Variants in CALN1 observed in about 807,000 individuals in gnomAD.
CALN1 encodes the protein calcium-binding protein 8.
Under a neutral mutation model 30.6 loss-of-function variants are expected in CALN1, and 17 were observed. The observed-to-expected ratio is 0.56, with a 90% confidence interval of 0.38 to 0.83. The LOEUF (loss-of-function observed/expected upper bound fraction) is 0.83, where lower values mean the gene tolerates loss of function less well. CALN1 is among the 40% of genes least tolerant of loss of function. The pLI is 0.00. For missense variants in CALN1, 291 were observed against 354.9 expected, an observed-to-expected ratio of 0.82 and a Z score of 1.45; for synonymous variants, 156 against 131.4, an observed-to-expected ratio of 1.19 and a Z score of -1.28.
intron 2 of CALN1, among the ~76,000 whole-genome samples, chr7:72,314,404 T>TATACATATATAC (rs1457953061): frequency 2.2e-4 from 30 of 135,394 alleles, no homozygotes; most frequent in African/African-American, 7.3e-4. Flanking sequence ...TACACATATA[T>TATACATATATAC]ACACATATAT....
At chr7:72,258,644 G>A (rs1335361162) in intron 3 of CALN1, among the ~76,000 whole-genome samples, 2 of 152,178 alleles carry the variant, frequency 1.3e-5, no homozygotes, top group Non-Finnish European at 2.9e-5. Flanking sequence ...AAGAAGCCAG[G>A]GGTGGTGGCT....
At chr7:72,294,192 C>T (rs1465265729) in intron 2 of CALN1, among the ~76,000 whole-genome samples, 1 of 152,118 alleles carries the variant, frequency 6.6e-6, no homozygotes, top group Non-Finnish European at 1.5e-5. Flanking sequence ...CACCTCCCGC[C>T]GCCTTGAATG....
chr7:72,387,135 T>A (rs986892095), intron 2 of CALN1, among the ~76,000 whole-genome samples: 18 of 137,126 alleles, frequency 1.3e-4, no homozygotes, highest in Non-Finnish European at 2.4e-4. Flanking sequence ...TAACCCAAAG[T>A]ATAAAATAAG....
chr7:72,461,228 T>C, the CALN1 span, among the ~76,000 whole-genome samples: 9 of 152,172 alleles, frequency 5.9e-5, no homozygotes, highest in African/African-American at 2.2e-4. Flanking sequence ...GCAAATTAGT[T>C]CAGACCCTGT....
At chr7:72,227,187 C>T (rs1244879116) in intron 3 of CALN1, among the ~76,000 whole-genome samples, 7 of 151,094 alleles carry the variant, frequency 4.6e-5, no homozygotes, top group Non-Finnish European at 2.9e-5. Context: ...ATGCAATATA[C>T]CTTTGTAACA....
intron 5 of CALN1, among the ~76,000 whole-genome samples, chr7:72,003,879 G>C (rs1012433864): frequency 2.0e-5 from 3 of 152,184 alleles, no homozygotes; most frequent in Non-Finnish European, 2.9e-5. Context: ...CACGAAACCA[G>C]TCTCTGGTGC....
chr7:72,457,869 C>T, the CALN1 span, among the ~76,000 whole-genome samples: 1 of 151,472 alleles, frequency 6.6e-6, no homozygotes, highest in African/African-American at 2.4e-5. Context: ...GATCCTCCCA[C>T]CTCAGCCTCC....
chr7:71,923,766 C>A (rs994611516), intron 5 of CALN1, among the ~76,000 whole-genome samples: 2 of 149,542 alleles, frequency 1.3e-5, no homozygotes, highest in Non-Finnish European at 3.0e-5. Context: ...GACACAGATG[C>A]ACTTTTTTAG....
chr7:71,951,794 C>T (rs1331534374), intron 5 of CALN1, among the ~76,000 whole-genome samples: 1 of 152,162 alleles, frequency 6.6e-6, no homozygotes, highest in Non-Finnish European at 1.5e-5. Flanking sequence ...GGCTCAGTGG[C>T]TGGTTCTGGT....
the CALN1 span, among the ~76,000 whole-genome samples, chr7:72,462,995 G>A: frequency 6.6e-6 from 1 of 152,212 alleles, no homozygotes; most frequent in Non-Finnish European, 1.5e-5. Context: ...TTCAGCACCT[G>A]GTACATGCAC....
chr7:72,027,762 A>C (rs1562989336), intron 4 of CALN1, among the ~76,000 whole-genome samples: 1 of 145,186 alleles, frequency 6.9e-6, no homozygotes, highest in Non-Finnish European at 1.5e-5. Flanking sequence ...CACACACAAA[A>C]ACACATGAGA....
chr7:72,420,069 G>A (rs764925308), intron 1 of CALN1, among the ~76,000 whole-genome samples: 8 of 152,150 alleles, frequency 5.3e-5, no homozygotes, highest in African/African-American at 1.4e-4. Context: ...TCACGGAGCC[G>A]TTAACACTTA....
intron 3 of CALN1, among the ~76,000 whole-genome samples, chr7:72,129,035 C>G (rs1205029805): frequency 1.3e-5 from 2 of 152,002 alleles, no homozygotes; most frequent in Non-Finnish European, 2.9e-5. Flanking sequence ...GAACAAAGGC[C>G]AACAAGCCAA....
chr7:72,499,374 G>C, the CALN1 span, among the ~76,000 whole-genome samples: 1 of 151,922 alleles, frequency 6.6e-6, no homozygotes, highest in Non-Finnish European at 1.5e-5. Flanking sequence ...AATATTATTT[G>C]GAAAAGGAAC....
At chr7:72,062,568 A>G (rs1305316879) in intron 4 of CALN1, among the ~76,000 whole-genome samples, 1 of 151,858 alleles carries the variant, frequency 6.6e-6, no homozygotes, top group African/African-American at 2.4e-5. Flanking sequence ...CCAGAAGGGA[A>G]CTTAGAACAT....
rs9638648 is a variant in CALN1 at position 72,298,884 on chromosome 7, C to T, written c.120-20074G>A. On this transcript the variant is annotated intron_variant, in intron 2 of 6. Coordinates refer to ENST00000395275, the MANE Select transcript of CALN1 (RefSeq NM_031468.4). ...TTGCCTGCCGCCATCCACGTCAAGT[C>T]GTGACTTGCTCCTCCTTGCTTTCCT... 9.1e-3 allele frequency among the ~76,000 whole-genome samples: 1,376 copies of T among 151,996 alleles called. 70 individuals carry two copies. In the East Asian group the frequency reaches 0.13, roughly 14 times the overall value.
chr7:72,058,464 C>T (rs566213386), intron 4 of CALN1, among the ~76,000 whole-genome samples: 1 of 151,986 alleles, frequency 6.6e-6, no homozygotes, highest in Non-Finnish European at 1.5e-5. Flanking sequence ...ATTACAGGTG[C>T]CCACCACCAC....
chr7:72,372,253 C>T (rs1400654983), intron 2 of CALN1, among the ~76,000 whole-genome samples: 1 of 152,112 alleles, frequency 6.6e-6, no homozygotes, highest in African/African-American at 2.4e-5. Flanking sequence ...GTAGGAACCT[C>T]AAACTCTGAG....
intron 2 of CALN1, among the ~76,000 whole-genome samples, chr7:72,299,772 G>A (rs1799128209): frequency 6.6e-6 from 1 of 151,068 alleles, no homozygotes; most frequent in African/African-American, 2.4e-5. Flanking sequence ...TGGGTTCAAG[G>A]GATCCTCCTG....
Sources: allele counts gnomAD v4.1 joint callset (sites outside exome capture counted in the v4.1 genomes callset), GRCh38; gene constraint gnomAD v4.1.1; transcripts MANE v1.5; gene names NCBI Gene and HGNC (gene_info 2026-07-23, HGNC 2026-07-21).